NLN: variants seen among roughly 807,000 people sequenced by gnomAD.
NLN encodes neurolysin, also known as neurolysin, mitochondrial.
Under a neutral mutation model 79.9 loss-of-function variants are expected in NLN, and 64 were observed. The ratio of observed to expected loss-of-function variants is 0.80; its 90% CI spans 0.65 to 0.99. NLN has a LOEUF of 0.99. NLN is among the 50% of genes least tolerant of loss of function. The pLI, the probability that NLN is intolerant of heterozygous loss-of-function variation, is 0.00. For missense variants in NLN, 835 were observed against 858.7 expected (o/e 0.97, Z 0.34); for synonymous variants, 267 against 296.6 (o/e 0.90, Z 1.02).
intron 1 of NLN, among the ~76,000 whole-genome samples, chr5:65,730,832 G>A (rs1363074455): frequency 2.0e-5 from 3 of 152,296 alleles, no homozygotes; most frequent in South Asian, 2.1e-4. Context: ...GATTACAGGC[G>A]TGAGCCACCG....
At chr5:65,752,666 G>A (rs1281520307) in intron 1 of NLN, among the ~76,000 whole-genome samples, 1 of 152,148 alleles carries the variant, frequency 6.6e-6, no homozygotes, top group Non-Finnish European at 1.5e-5. Context: ...AGCATTGGGT[G>A]AGCTTGAAAA....
intron 12 of NLN, among the ~76,000 whole-genome samples, chr5:65,813,879 G>A (rs565932963): frequency 6.6e-6 from 1 of 151,676 alleles, no homozygotes; most frequent in Admixed American, 6.6e-5. Flanking sequence ...GCAGTGAGCC[G>A]AGATCATGCT....
intron 9 of NLN, among the ~76,000 whole-genome samples, chr5:65,805,623 G>T (rs147510901): frequency 1.3e-5 from 2 of 152,228 alleles, no homozygotes; most frequent in African/African-American, 4.8e-5. Flanking sequence ...GCAGAGGTTG[G>T]TTCATGAGTT....
At chr5:65,749,697 G>A (rs891449992) in intron 1 of NLN, among the ~76,000 whole-genome samples, 9 of 152,166 alleles carry the variant, frequency 5.9e-5, no homozygotes, top group Non-Finnish European at 1.0e-4. Context: ...TGAAGGTCTC[G>A]TACTAGAAAC....
chr5:65,752,595 G>A (rs761615206), intron 1 of NLN, among the ~76,000 whole-genome samples: 8 of 152,168 alleles, frequency 5.3e-5, no homozygotes, highest in Non-Finnish European at 1.0e-4. Flanking sequence ...CCCAGGTGCA[G>A]TTCTTTCCAG....
chr5:65,738,972 T>C (rs1561180305), intron 1 of NLN, among the ~76,000 whole-genome samples: 1 of 14,066 alleles, frequency 7.1e-5, no homozygotes, highest in African/African-American at 3.6e-4. Flanking sequence ...TATATATAAA[T>C]ATATATATTA....
At chr5:65,722,592 C>T (rs558216327) in intron 1 of NLN, among the ~76,000 whole-genome samples, 178 bp downstream of exon 1, 1 of 152,350 alleles carries the variant, frequency 6.6e-6, no homozygotes, top group African/African-American at 2.4e-5. Flanking sequence ...CCACCTGGGG[C>T]CACCTTTCCC....
chr5:65,806,454 T>C (rs1457567305), intron 9 of NLN, among the ~76,000 whole-genome samples: 1 of 152,160 alleles, frequency 6.6e-6, no homozygotes, highest in African/African-American at 2.4e-5. Flanking sequence ...CCCTCATAGA[T>C]GACTTTGAGG....
intron 1 of NLN, among the ~76,000 whole-genome samples, chr5:65,746,164 G>A (rs952130790): frequency 6.6e-6 from 1 of 152,012 alleles, no homozygotes; most frequent in Admixed American, 6.6e-5. Flanking sequence ...AAAGAAAAGA[G>A]GCCATAGAAC....
chr5:65,788,052 G>A (rs1350948135), intron 7 of NLN, 66 bp from the exon 8 acceptor site: 2 of 1,490,528 alleles, frequency 1.3e-6, no homozygotes, highest in South Asian at 1.3e-5. Flanking sequence ...TAAAACACAG[G>A]TGGTATTTAT....
chr5:65,806,817 C>G (rs1650534908), intron 9 of NLN, among the ~76,000 whole-genome samples: 1 of 152,138 alleles, frequency 6.6e-6, no homozygotes, highest in Admixed American at 6.6e-5. Context: ...TCGCATGCTA[C>G]CAAGAAATCT....
At chr5:65,731,809 G>A (rs1004537456) in intron 1 of NLN, among the ~76,000 whole-genome samples, 1 of 131,264 alleles carries the variant, frequency 7.6e-6, no homozygotes, top group Non-Finnish European at 1.6e-5. Context: ...GGAGTATAGT[G>A]GAACAATCTC....
chr5:65,755,829 G>A (rs34982), intron 1 of NLN, among the ~76,000 whole-genome samples: 70,327 of 151,898 alleles, frequency 0.46, 16,862 homozygotes, highest in Non-Finnish European at 0.53. Context: ...GGTCTCTCCT[G>A]TGTGAAAAAT....
chr5:65,761,170 CTTTG>C (rs1006463067), intron 2 of NLN, among the ~76,000 whole-genome samples: 6 of 151,980 alleles, frequency 3.9e-5, no homozygotes, highest in African/African-American at 7.3e-5. Context: ...CTTTCAGCAC[CTTTG>C]TTTGTTTAAG....
At chr5:65,818,388 C>G (rs1459423627) in intron 12 of NLN, among the ~76,000 whole-genome samples, 1 of 151,914 alleles carries the variant, frequency 6.6e-6, no homozygotes, top group Non-Finnish European at 1.5e-5. Flanking sequence ...CACTTCTCTA[C>G]CCCCCCATAC....
At position 65,824,297 on chromosome 5, in the gene NLN, T is replaced by C. The variant is rs1339622950; in HGVS notation, c.*1382T>C. 2.0e-5 allele frequency: 3 copies of C among 152,290 alleles called. No individual in the cohort carries two copies. The highest frequency in any genetic ancestry group is 1.3e-4 in the Admixed American group (2 of 15,294). 9.4% of individuals were successfully genotyped at this position (152,290 alleles called of 1,614,324 possible). A position where few individuals can be genotyped will look rare whatever the true frequency, so the allele number is the denominator to read the frequency against. ...TGTGCTAAATAAAAAATTATTATAC[T>C]ACATAATAAAGTTACAGATAGCAGG... is the stretch of plus-strand genomic sequence containing the variant. On this transcript the variant is annotated 3_prime_UTR_variant, in exon 13 of 13. Transcript: ENST00000380985.
chr5:65,785,660 C>T, intron 6 of NLN, 115 bp from the exon 7 acceptor site: 1 of 736,586 alleles, frequency 1.4e-6, no homozygotes, highest in Non-Finnish European at 2.1e-6. Flanking sequence ...TTTAAATGGT[C>T]TAAAAATATT....
intron 1 of NLN, among the ~76,000 whole-genome samples, chr5:65,735,920 C>T (rs1351068839): frequency 5.3e-5 from 8 of 152,058 alleles, no homozygotes; most frequent in African/African-American, 1.7e-4. Context: ...GAGCCTAATA[C>T]TTATTCATTT....
chr5:65,752,127 A>G (rs1405170318), intron 1 of NLN, among the ~76,000 whole-genome samples: 1 of 151,978 alleles, frequency 6.6e-6, no homozygotes, highest in Non-Finnish European at 1.5e-5. Flanking sequence ...AGTCCCAGCT[A>G]CTTGGAAGGT....
Sources: allele counts gnomAD v4.1 joint callset (sites outside exome capture counted in the v4.1 genomes callset), GRCh38; gene constraint gnomAD v4.1.1; transcripts MANE v1.5; gene names NCBI Gene and HGNC (gene_info 2026-07-23, HGNC 2026-07-21).